CNTN5: variants seen among roughly 807,000 people sequenced by gnomAD.
CNTN5 encodes contactin-5.
A neutral mutation model predicts 129.1 loss-of-function variants in CNTN5; 77 were observed. The ratio of observed to expected loss-of-function variants is 0.60; its 90% CI spans 0.50 to 0.72. The LOEUF (loss-of-function observed/expected upper bound fraction) is 0.72, where lower values mean the gene tolerates loss of function less well. Among genes scored for constraint, CNTN5 ranks in the 30% least tolerant of loss-of-function variants. The pLI, the probability that CNTN5 is intolerant of heterozygous loss-of-function variation, is 0.00. For synonymous variants in CNTN5, 509 were observed against 465.6 expected, an observed-to-expected ratio of 1.09 and a Z score of -1.20; for missense variants, 1,478 against 1,328.8, an observed-to-expected ratio of 1.11 and a Z score of -1.75.
intron 15 of CNTN5, among the ~76,000 whole-genome samples, chr11:100,222,029 ATTAC>A (rs1949276137): frequency 6.6e-6 from 1 of 152,184 alleles, no homozygotes; most frequent in Non-Finnish European, 1.5e-5. Flanking sequence ...AATTCCTCTC[ATTAC>A]TTCTCTTGAA....
intron 13 of CNTN5, among the ~76,000 whole-genome samples, chr11:100,076,548 C>T (rs1944132935): frequency 6.6e-6 from 1 of 152,018 alleles, no homozygotes. Flanking sequence ...CTCTTCCTTT[C>T]TTTACTGCTA....
At position 99,627,476 on chromosome 11, in the gene CNTN5, G is replaced by A. The variant is rs1176194030; in HGVS notation, c.55+71207G>A. Among the ~76,000 whole-genome samples, 12 of 151,932 alleles carry A rather than the reference G, an allele frequency of 7.9e-5. No homozygotes were observed. The East Asian group carries it at 9.6e-4, about 12-fold the overall frequency. ...TTTTAATGTGAGAAAAAACTACACC[G>A]CATTAAAATAGTAAACCTCAGTTCC... On this transcript the variant is annotated intron_variant, in intron 3 of 24. Transcript: ENST00000524871.
chr11:99,267,432 A>G (rs1862956450), intron 1 of CNTN5, among the ~76,000 whole-genome samples: 1 of 151,942 alleles, frequency 6.6e-6, no homozygotes, highest in South Asian at 2.1e-4. Flanking sequence ...TATTTTTGGT[A>G]TCTATGTTAC....
chr11:99,484,963 T>C (rs1478551219), intron 2 of CNTN5, among the ~76,000 whole-genome samples: 1 of 152,122 alleles, frequency 6.6e-6, no homozygotes, highest in Admixed American at 6.5e-5. Context: ...ATACACAAGA[T>C]ATTTGTTACA....
At chr11:99,237,423 C>T in intron 1 of CNTN5, among the ~76,000 whole-genome samples, 1 of 152,150 alleles carries the variant, frequency 6.6e-6, no homozygotes, top group East Asian at 1.9e-4. Flanking sequence ...TGGCTCAGGC[C>T]TGTAATCCCG....
At chr11:99,832,982 G>C (rs1285001544) in intron 4 of CNTN5, among the ~76,000 whole-genome samples, 1 of 152,122 alleles carries the variant, frequency 6.6e-6, no homozygotes, top group East Asian at 1.9e-4. Flanking sequence ...AGAAAAATAA[G>C]CACAGAAGTT....
intron 3 of CNTN5, among the ~76,000 whole-genome samples, chr11:99,779,502 C>T (rs1945239420): frequency 6.6e-6 from 1 of 151,922 alleles, no homozygotes; most frequent in Non-Finnish European, 1.5e-5. Context: ...TTCCAGAAGA[C>T]TGGTAAATTT....
intron 3 of CNTN5, among the ~76,000 whole-genome samples, chr11:99,815,570 G>C (rs916108253): frequency 5.3e-5 from 8 of 152,064 alleles, no homozygotes; most frequent in Admixed American, 5.2e-4. Context: ...GTAATGCAGG[G>C]GGTTCCAGAC....
chr11:99,038,189 A>G (rs1416912474), intron 1 of CNTN5, among the ~76,000 whole-genome samples: 1 of 152,182 alleles, frequency 6.6e-6, no homozygotes, highest in African/African-American at 2.4e-5. Context: ...AACATCAATA[A>G]GACTAATTAT....
intron 1 of CNTN5, among the ~76,000 whole-genome samples, chr11:99,070,142 A>T (rs1055110987): frequency 5.3e-5 from 8 of 152,168 alleles, no homozygotes; most frequent in African/African-American, 1.9e-4. Context: ...TCTGGGCAGT[A>T]TCTTCCCCCT....
intron 9 of CNTN5, among the ~76,000 whole-genome samples, chr11:100,034,973 T>A (rs79450889): frequency 0.094 from 14,267 of 152,126 alleles, 868 homozygotes; most frequent in East Asian, 0.2. Context: ...TCTTTTTTTT[T>A]AAATTTTATT....
intron 13 of CNTN5, among the ~76,000 whole-genome samples, chr11:100,159,881 G>A (rs374141283): frequency 6.6e-6 from 1 of 151,864 alleles, no homozygotes; most frequent in African/African-American, 2.4e-5. Context: ...TTCAGGCAGT[G>A]TTTTTTTAAG....
At chr11:99,196,184 A>G (rs1858892242) in intron 1 of CNTN5, among the ~76,000 whole-genome samples, 1 of 151,956 alleles carries the variant, frequency 6.6e-6, no homozygotes, top group Non-Finnish European at 1.5e-5. Flanking sequence ...TGTTTTAGCT[A>G]AAACAATAAT....
intron 3 of CNTN5, among the ~76,000 whole-genome samples, chr11:99,759,020 A>G (rs1175393395): frequency 6.6e-6 from 1 of 152,102 alleles, no homozygotes; most frequent in Non-Finnish European, 1.5e-5. Flanking sequence ...GGAAATTAAC[A>G]CTTATACTAG....
chr11:100,063,891 A>G (rs998012861), intron 10 of CNTN5, among the ~76,000 whole-genome samples: 2 of 152,128 alleles, frequency 1.3e-5, no homozygotes, highest in Non-Finnish European at 2.9e-5. Context: ...AAAATATTAC[A>G]AATAAAAAAT....
At chr11:99,271,194 G>A (rs192861098) in intron 1 of CNTN5, among the ~76,000 whole-genome samples, 1 of 151,972 alleles carries the variant, frequency 6.6e-6, no homozygotes, top group Non-Finnish European at 1.5e-5. Flanking sequence ...AATTTAATCA[G>A]ACTTATGAAT....
At chr11:99,063,398 A>T (rs1242477573) in intron 1 of CNTN5, among the ~76,000 whole-genome samples, 18 of 152,190 alleles carry the variant, frequency 1.2e-4, no homozygotes, top group African/African-American at 4.3e-4. Context: ...AAGTAACAAA[A>T]TTGTATTGCT....
chr11:99,614,407 G>C (rs1269654538), intron 3 of CNTN5, among the ~76,000 whole-genome samples: 1 of 152,068 alleles, frequency 6.6e-6, no homozygotes. Context: ...ATTGCACCAC[G>C]AGTGGAGGGA....
At chr11:100,336,943 G>C in intron 21 of CNTN5, 1 of 677,084 alleles carries the variant, frequency 1.5e-6, no homozygotes, top group Non-Finnish European at 2.7e-6. Context: ...TTTGGATCGC[G>C]GGCACCTTCT....
Sources: allele counts gnomAD v4.1 joint callset (sites outside exome capture counted in the v4.1 genomes callset), GRCh38; gene constraint gnomAD v4.1.1; transcripts MANE v1.5; gene names NCBI Gene and HGNC (gene_info 2026-07-23, HGNC 2026-07-21).